The following SVOPL variants were observed in gnomAD, a reference collection of about 807,000 sequenced individuals.
SVOPL encodes SVOP like.
SVOPL carries 60 observed loss-of-function variants against 61.0 expected under a neutral mutation model. The observed-to-expected ratio is 0.98, with a 90% confidence interval of 0.80 to 1.22. SVOPL has a LOEUF of 1.22. Ranked by LOEUF, SVOPL falls within the 50% of genes most tolerant of loss-of-function variation. The pLI is 0.00. For missense variants in SVOPL, 662 were observed against 643.9 expected (o/e 1.03, Z -0.30); for synonymous variants, 279 against 250.0 (o/e 1.12, Z -1.09).
intron 15 of SVOPL, 61 bp from the exon 16 acceptor site, chr7:138,594,682 C>G: frequency 8.3e-7 from 1 of 1,208,118 alleles, no homozygotes; most frequent in Non-Finnish European, 1.1e-6. Context: ...TCCATTCATA[C>G]TGAGCTATCT....
intron 3 of SVOPL, among the ~76,000 whole-genome samples, chr7:138,672,647 T>TTG (rs1802453083): frequency 7.2e-6 from 1 of 137,954 alleles, no homozygotes; most frequent in African/African-American, 3.0e-5. Flanking sequence ...AAGTGTTTTT[T>TTG]TTTGTGTTTA....
chr7:138,641,802 AATATATATATGTT>A (rs1325680691), intron 9 of SVOPL, among the ~76,000 whole-genome samples: 2 of 91,820 alleles, frequency 2.2e-5, no homozygotes, highest in African/African-American at 7.8e-5. Context: ...AGACGTATCA[AATATATATATGTT>A]ATATATATAT....
intron 1 of SVOPL, among the ~76,000 whole-genome samples, chr7:138,693,804 G>A (rs772377403): frequency 1.3e-5 from 2 of 151,986 alleles, no homozygotes; most frequent in Non-Finnish European, 2.9e-5. Flanking sequence ...GTTGCCATGT[G>A]CCCTTATTAC....
intron 14 of SVOPL, 145 bp from the exon 15 acceptor site, chr7:138,596,675 T>C: frequency 7.2e-7 from 1 of 1,390,896 alleles, no homozygotes; most frequent in Non-Finnish European, 9.4e-7. Flanking sequence ...GACAAATTGA[T>C]TTATCTGAGC....
At chr7:138,660,943 T>A in intron 5 of SVOPL, 4 of 983,670 alleles carry the variant, frequency 4.1e-6, no homozygotes, top group Non-Finnish European at 4.8e-6. Context: ...AAGGAAAAAT[T>A]ATATCTTGCT....
rs535241944 is a variant in SVOPL at position 138,596,472 on chromosome 7, A to G, written c.1412T>C (p.Val471Ala). ...ALCLFSSVCV[V>A]CAISAFTLPI... is the part of the protein sequence containing the mutation. The stretch of plus-strand genomic sequence containing the variant: ...GAGAGTGAATGCAGAAATGGCGCAT[A>G]CAACACAGACAGATGAGAAGAGACA... The change falls in exon 15 of 16, where the codon GTA becomes GCA. Residue 471 changes from valine (V) to alanine (A), a missense_variant. By Grantham distance (64) the Val-to-Ala change is moderately conservative (BLOSUM62 0). Transcript: ENST00000674285. 6.2e-7 allele frequency: 1 copy of G among 1,614,008 alleles called. No homozygotes were observed. The highest frequency in any genetic ancestry group is 2.2e-5 in the East Asian group (1 of 44,858).
intron 6 of SVOPL, 83 bp downstream of exon 6, chr7:138,659,781 G>T (rs1194279876): frequency 3.9e-6 from 5 of 1,292,242 alleles, no homozygotes; most frequent in Admixed American, 4.7e-5. Flanking sequence ...CAATGCTTTT[G>T]GTCTATTAAG....
intron 9 of SVOPL, among the ~76,000 whole-genome samples, chr7:138,632,446 A>G (rs1471908227): frequency 1.4e-5 from 2 of 146,260 alleles, no homozygotes; most frequent in Non-Finnish European, 1.5e-5. Context: ...AAAAATAAAC[A>G]GACAGATGAC....
intron 9 of SVOPL, among the ~76,000 whole-genome samples, chr7:138,631,491 A>G (rs532816658): frequency 2.0e-5 from 3 of 152,030 alleles, no homozygotes; most frequent in African/African-American, 7.2e-5. Context: ...ATTCTTCCCA[A>G]TCTGACCAAG....
intron 1 of SVOPL, among the ~76,000 whole-genome samples, chr7:138,681,307 C>T (rs7804639): frequency 0.47 from 68,960 of 147,270 alleles, 17,296 homozygotes; most frequent in African/African-American, 0.65. Context: ...AATAGAAATA[C>T]GAGATTATTA....
chr7:138,611,921 C>T (rs1481126770), intron 14 of SVOPL, among the ~76,000 whole-genome samples: 3 of 29,334 alleles, frequency 1.0e-4, no homozygotes, highest in Non-Finnish European at 1.4e-4. Flanking sequence ...GAGAACGGGC[C>T]AGGATGACAA....
At chr7:138,644,647 C>T (rs560891848) in intron 9 of SVOPL, 70 bp downstream of exon 9, 2 of 1,572,860 alleles carry the variant, frequency 1.3e-6, no homozygotes, top group East Asian at 2.3e-5. Flanking sequence ...CTCCCTCCAG[C>T]CTTCCACAAC....
intron 13 of SVOPL, 130 bp downstream of exon 13, chr7:138,625,839 C>A (rs1346455527): frequency 8.9e-6 from 8 of 900,568 alleles, no homozygotes; most frequent in African/African-American, 1.7e-5. Flanking sequence ...CTTCTGGTGT[C>A]TTTTTAACAG....
intron 1 of SVOPL, among the ~76,000 whole-genome samples, chr7:138,694,921 TAG>T (rs1176676185): frequency 6.6e-6 from 1 of 151,804 alleles, no homozygotes; most frequent in Non-Finnish European, 1.5e-5. Context: ...GTATGTTTAG[TAG>T]AGACAGGGTT....
At chr7:138,625,817 A>C in intron 13 of SVOPL, 152 bp downstream of exon 13, 2 of 693,736 alleles carry the variant, frequency 2.9e-6, no homozygotes, top group Non-Finnish European at 4.7e-6. Context: ...GGGGAAATTC[A>C]TATCAAATAA....
At chr7:138,660,464 C>T (rs373317115) in intron 5 of SVOPL, 2 of 986,700 alleles carry the variant, frequency 2.0e-6, no homozygotes, top group Non-Finnish European at 1.2e-6. Flanking sequence ...GAGAAGATAA[C>T]TCTTAACACT....
intron 3 of SVOPL, among the ~76,000 whole-genome samples, chr7:138,674,850 C>T (rs553210920): frequency 8.2e-5 from 10 of 122,134 alleles, no homozygotes; most frequent in African/African-American, 3.1e-4. Flanking sequence ...AGTGAGACTC[C>T]ATCTCAAAAA....
chr7:138,621,894 C>G (rs138270153), intron 13 of SVOPL, among the ~76,000 whole-genome samples: 13,302 of 42,866 alleles, frequency 0.31, 2,308 homozygotes, highest in African/African-American at 0.37. Flanking sequence ...ATCTATCTAT[C>G]TATCTATCTA....
At chr7:138,675,689 G>A (rs1206804306) in intron 3 of SVOPL, among the ~76,000 whole-genome samples, 1 of 151,978 alleles carries the variant, frequency 6.6e-6, no homozygotes, top group East Asian at 1.9e-4. Flanking sequence ...TTAGCTGTTT[G>A]GGGAGGGTCA....
Sources: allele counts gnomAD v4.1 joint callset (sites outside exome capture counted in the v4.1 genomes callset), GRCh38; gene constraint gnomAD v4.1.1; transcripts MANE v1.5; gene names NCBI Gene and HGNC (gene_info 2026-07-23, HGNC 2026-07-21).